SNX8: variants seen among roughly 807,000 people sequenced by gnomAD.
SNX8 encodes the protein sorting nexin 8.
Under a neutral mutation model 51.6 loss-of-function variants are expected in SNX8, and 25 were observed. That is an observed-to-expected ratio of 0.48 (90% confidence interval 0.35 to 0.68). SNX8 has a LOEUF of 0.68. Ranked by LOEUF, SNX8 falls within the 30% of genes least tolerant of loss-of-function variation. The pLI is 0.00. For missense variants in SNX8, 695 were observed against 624.0 expected, an observed-to-expected ratio of 1.11 and a Z score of -1.21; for synonymous variants, 324 against 277.0, an observed-to-expected ratio of 1.17 and a Z score of -1.68.
upstream of SNX8, among the ~76,000 whole-genome samples, chr7:2,317,251 C>CTTTT (rs780593342): frequency 8.6e-4 from 37 of 43,110 alleles, 7 homozygotes; most frequent in African/African-American, 1.5e-3. Flanking sequence ...CCTGGACCTT[C>CTTTT]TTTTTTTTTT....
At chr7:2,257,889 C>T (rs543674685) in intron 7 of SNX8, 86 bp from the exon 8 acceptor site, 291 of 1,296,722 alleles carry the variant, frequency 2.2e-4, no homozygotes, top group Admixed American at 4.8e-4. Context: ...CTGGCCTGGG[C>T]CGGTTCCTTC....
At chr7:2,317,645 A>G (rs879692789), upstream of SNX8, among the ~76,000 whole-genome samples, 1 of 151,886 alleles carries the variant, frequency 6.6e-6, no homozygotes, top group Non-Finnish European at 1.5e-5. Context: ...AGAGCCCAGA[A>G]CCATGTCAGT....
chr7:2,299,719 C>G (rs1796350825), intron 1 of SNX8, among the ~76,000 whole-genome samples: 1 of 152,008 alleles, frequency 6.6e-6, no homozygotes, highest in Admixed American at 6.6e-5. Flanking sequence ...TTGGTTTGGT[C>G]TGAAAGTGAC....
At chr7:2,286,387 T>C (rs951737367) in intron 1 of SNX8, among the ~76,000 whole-genome samples, 2 of 152,188 alleles carry the variant, frequency 1.3e-5, no homozygotes, top group Non-Finnish European at 2.9e-5. Flanking sequence ...TAATACCTTA[T>C]TTAATGTGAT....
At chr7:2,326,287 C>T (rs1411300160) in intron 1 of SNX8, among the ~76,000 whole-genome samples, 6 of 151,996 alleles carry the variant, frequency 3.9e-5, no homozygotes, top group Non-Finnish European at 8.8e-5. Context: ...ATCGCTCGAA[C>T]CAGGGAGGCG....
chr7:2,335,828 A>T (rs1778818367), intron 1 of SNX8, among the ~76,000 whole-genome samples: 1 of 150,072 alleles, frequency 6.7e-6, no homozygotes, highest in African/African-American at 2.5e-5. Context: ...AAAAAAAAAA[A>T]TTCTACAGTA....
intron 1 of SNX8, among the ~76,000 whole-genome samples, chr7:2,304,672 G>A (rs1796507424): frequency 6.6e-6 from 1 of 152,158 alleles, no homozygotes; most frequent in South Asian, 2.1e-4. Flanking sequence ...AAACTTCGCA[G>A]AAGCTTCCAG....
rs548555753 is a variant in SNX8, at chr7:2,302,710, C to T, written c.94+11618G>A. 8.4e-4 allele frequency among the ~76,000 whole-genome samples: 127 copies of T among 151,672 alleles called. 1 individual carries two copies. Among genetic ancestry groups the T allele is most frequent in the African/African-American group, 2.8e-3 (116 of 41,272 alleles). On this transcript the variant is annotated intron_variant, in intron 1 of 10. Transcript: ENST00000222990. Reference sequence around the variant, plus strand: ...CTAGGAAGTGAGGAGTGTCTTTGCCCGGCCGCCCATCGTCTGAGATGTGGG... The same window carrying T: ...CTAGGAAGTGAGGAGTGTCTTTGCCTGGCCGCCCATCGTCTGAGATGTGGG...
chr7:2,296,583 T>C (rs1796277001), intron 1 of SNX8, among the ~76,000 whole-genome samples: 1 of 152,026 alleles, frequency 6.6e-6, no homozygotes, highest in South Asian at 2.1e-4. Flanking sequence ...TCTTGCCTGA[T>C]TGCTATATAA....
At chr7:2,323,988 T>C (rs974887891) in intron 1 of SNX8, among the ~76,000 whole-genome samples, 8 of 151,852 alleles carry the variant, frequency 5.3e-5, no homozygotes, top group Non-Finnish European at 8.8e-5. Flanking sequence ...GGCATGGTGG[T>C]GCATGCTTCT....
At chr7:2,327,901 C>G (rs1213006854) in intron 1 of SNX8, among the ~76,000 whole-genome samples, 2 of 151,828 alleles carry the variant, frequency 1.3e-5, no homozygotes, top group Admixed American at 1.3e-4. Flanking sequence ...CCCCATTTGT[C>G]ACCCAGGCTG....
chr7:2,321,873 G>A (rs1000524406), intron 1 of SNX8, among the ~76,000 whole-genome samples: 1 of 151,722 alleles, frequency 6.6e-6, no homozygotes, highest in Non-Finnish European at 1.5e-5. Flanking sequence ...ACAGGCGCCC[G>A]CCACCATGTC....
intron 1 of SNX8, among the ~76,000 whole-genome samples, chr7:2,350,426 T>C (rs1447394667): frequency 6.6e-6 from 1 of 152,184 alleles, no homozygotes; most frequent in Non-Finnish European, 1.5e-5. Context: ...AACAAACCCA[T>C]AAAACTTATA....
intron 5 of SNX8, among the ~76,000 whole-genome samples, chr7:2,268,567 C>A (rs1795550530): frequency 6.8e-6 from 1 of 146,832 alleles, no homozygotes. Flanking sequence ...CAGCCCCCCG[C>A]CTGGCCAGCC....
chr7:2,253,708 G>A lies in SNX8; in HGVS notation c.*1348C>T, dbSNP rs750310473. On this transcript the variant is annotated 3_prime_UTR_variant, in exon 11 of 11. Coordinates refer to ENST00000222990, the MANE Select transcript of SNX8 (RefSeq NM_013321.4). The stretch of plus-strand genomic sequence containing the variant: ...GAAGGCACGGCCGTTCCCTCTGGCC[G>A]GCTCGCAGTGGACGATGGATCACCT... 3 of 152,288 alleles carry A rather than the reference G, an allele frequency of 2.0e-5. No homozygotes were observed. Among genetic ancestry groups the A allele is most frequent in the African/African-American group, 4.8e-5 (2 of 41,446 alleles). 9.4% of individuals were successfully genotyped at this position (152,288 alleles called of 1,614,324 possible).
intron 1 of SNX8, chr7:2,309,835 T>G (rs10479970): frequency 6.4e-6 from 3 of 469,944 alleles, no homozygotes; most frequent in Non-Finnish European, 1.3e-5. Flanking sequence ...CAGGTAAGGG[T>G]TGATGGGAGC....
rs143902139 is a variant in SNX8 at position 2,339,640 on chromosome 7, C to T, written c.-66+14582G>A. On this transcript the variant is annotated intron_variant, in intron 1 of 5. Transcript: ENST00000435336. ...ATTTCCATTTTTTTTGAAATCTCATCAGGAAATTACCAAGCGAATTCTAAA... is the reference window on the plus strand; with the variant it reads ...ATTTCCATTTTTTTTGAAATCTCATTAGGAAATTACCAAGCGAATTCTAAA... Among the ~76,000 whole-genome samples the T allele has an allele frequency of 7.6e-3, 1,156 of 152,038 alleles. 10 individuals are homozygous for T. The highest frequency in any genetic ancestry group is 0.027 in the African/African-American group (1,115 of 41,474).
In SNX8 at chr7:2,257,339, G is replaced by C. The variant is rs773701528; in HGVS notation, c.1134+26C>G. On this transcript the variant is annotated intron_variant, in intron 9 of 10. Transcript: ENST00000222990. ...GCCGGGAGGGGAAAGGCTCCCACGG[G>C]CCTGCTCGGCCGCCCCGCCACCCAC... The C allele has an allele frequency of 2.1e-5, 33 of 1,595,286 alleles. 1 individual carries two copies. In the East Asian group the frequency reaches 7.4e-4, roughly 36 times the overall value.
At chr7:2,267,070 G>A (rs1795481276) in intron 5 of SNX8, among the ~76,000 whole-genome samples, 1 of 152,178 alleles carries the variant, frequency 6.6e-6, no homozygotes, top group Non-Finnish European at 1.5e-5. Flanking sequence ...CTGCTTAGAG[G>A]CTCGGGGCCT....
Sources: allele counts gnomAD v4.1 joint callset (sites outside exome capture counted in the v4.1 genomes callset), GRCh38; gene constraint gnomAD v4.1.1; transcripts MANE v1.5; gene names NCBI Gene and HGNC (gene_info 2026-07-23, HGNC 2026-07-21).